MGMT: variants seen among roughly 807,000 people sequenced by gnomAD.
MGMT encodes methylated-DNA--protein-cysteine methyltransferase.
In MGMT, 14 loss-of-function variants were observed where a neutral mutation model predicts 15.9. The observed-to-expected ratio is 0.88, with a 90% CI of 0.58 to 1.37. MGMT has a LOEUF of 1.37. MGMT is among the 40% of genes most tolerant of loss of function. The pLI is 0.00. For synonymous variants in MGMT, 130 were observed against 118.2 expected (o/e 1.10, Z -0.65); for missense variants, 282 against 268.1 (o/e 1.05, Z -0.36).
chr10:129,728,781 TGTG>T (rs1332032332), intron 3 of MGMT, among the ~76,000 whole-genome samples: 2 of 151,662 alleles, frequency 1.3e-5, no homozygotes, highest in African/African-American at 2.4e-5. Flanking sequence ...TTCGTCTGCT[TGTG>T]GTAACTGCTG....
intron 1 of MGMT, among the ~76,000 whole-genome samples, chr10:129,485,155 A>G (rs780367467): frequency 1.3e-5 from 2 of 152,180 alleles, no homozygotes; most frequent in Non-Finnish European, 2.9e-5. Context: ...CTTTGACCTC[A>G]GGGAGTTCCT....
intron 2 of MGMT, among the ~76,000 whole-genome samples, chr10:129,656,730 G>A (rs942034500): frequency 6.6e-5 from 10 of 152,112 alleles, no homozygotes; most frequent in South Asian, 6.2e-4. Flanking sequence ...TGGTTGCACC[G>A]AGTTTCTGAT....
Position 129,606,748 on chromosome 10 carries a change from G to A in MGMT, c.125+70371G>A, listed in dbSNP as rs149811530. ...TAATTACACAGAATCTTTCGTCTACGGTGGGATAATAATGGCAGCAATTTA... is the reference window on the plus strand; with the variant it reads ...TAATTACACAGAATCTTTCGTCTACAGTGGGATAATAATGGCAGCAATTTA... On this transcript the variant is annotated intron_variant, in intron 2 of 4. Transcript: ENST00000651593. Among the ~76,000 whole-genome samples, 816 of 152,172 alleles carry A rather than the reference G, an allele frequency of 5.4e-3. 8 individuals carry two copies. Among genetic ancestry groups the A allele is most frequent in the African/African-American group, 0.018 (757 of 41,510 alleles).
At chr10:129,652,697 G>A (rs1369081391) in intron 2 of MGMT, among the ~76,000 whole-genome samples, 4 of 152,160 alleles carry the variant, frequency 2.6e-5, no homozygotes, top group East Asian at 1.9e-4. Context: ...TCCTCCGCAC[G>A]TCAGCTGCCG....
rs748231906 is a variant in MGMT, at chr10:129,536,279, C to T, written c.27C>T (p.Arg9=). 9 of 1,614,028 alleles carry T rather than the reference C, an allele frequency of 5.6e-6. No individual in the cohort carries two copies. The highest frequency in any genetic ancestry group is 5.5e-5 in the South Asian group (5 of 91,054). MDKDCEMK[R]TTLDSPLGKL... Reference sequence around the variant, plus strand: ...TGGACAAGGATTGTGAAATGAAACGCACCACACTGGACAGCCCTTTGGGGA... The same window carrying T: ...TGGACAAGGATTGTGAAATGAAACGTACCACACTGGACAGCCCTTTGGGGA... The change falls in exon 2 of 5, where the codon CGC becomes CGT. Residue 9 remains arginine (R), a synonymous_variant. Transcript: ENST00000651593.
intron 2 of MGMT, among the ~76,000 whole-genome samples, chr10:129,586,310 T>A (rs987508943): frequency 6.6e-6 from 1 of 152,112 alleles, no homozygotes; most frequent in African/African-American, 2.4e-5. Flanking sequence ...CCCCAAAGTT[T>A]CCTCTTGCAC....
intron 2 of MGMT, among the ~76,000 whole-genome samples, chr10:129,560,690 T>C (rs1417395928): frequency 6.6e-6 from 1 of 152,222 alleles, no homozygotes; most frequent in Non-Finnish European, 1.5e-5. Context: ...AATACAAATA[T>C]ATAAATTATT....
intron 3 of MGMT, among the ~76,000 whole-genome samples, chr10:129,740,056 C>T (rs984165009): frequency 6.6e-6 from 1 of 152,224 alleles, no homozygotes; most frequent in Non-Finnish European, 1.5e-5. Context: ...AAAGGGAAAT[C>T]TAAAGATGTT....
At chr10:129,589,769 G>T (rs117980423) in intron 2 of MGMT, among the ~76,000 whole-genome samples, 4,957 of 152,324 alleles carry the variant, frequency 0.033, 131 homozygotes, top group South Asian at 0.065. Flanking sequence ...CTTCCAGCAG[G>T]GAGACCATTA....
Position 129,745,609 on chromosome 10 carries a change from C to T in MGMT, c.275-13593C>T, listed in dbSNP as rs116342432. On this transcript the variant is annotated intron_variant, in intron 3 of 4. Transcript: ENST00000651593. ...ATTTTTCTTGCTGAGTGTACGCTAC[C>T]GTGTGGGTATATCTCCATTGATCTG... Among the ~76,000 whole-genome samples the T allele has an allele frequency of 5.6e-3, 852 of 152,256 alleles. 9 individuals are homozygous for T. Among genetic ancestry groups the T allele is most frequent in the African/African-American group, 0.02 (811 of 41,522 alleles).
chr10:129,766,812 A>G lies in MGMT; in HGVS notation c.439A>G (p.Arg147Gly). 2 of 1,613,332 alleles carry G rather than the reference A, an allele frequency of 1.2e-6. No homozygotes were observed. The highest frequency in any genetic ancestry group is 1.7e-4 in the Middle Eastern group (1 of 5,986). The stretch of plus-strand genomic sequence containing the variant: ...GGTCCCCATCCTCATCCCGTGCCAC[A>G]GAGTGGTCTGCAGCAGCGGAGCCGT... Reference protein sequence around the residue: ...NPVPILIPCHRVVCSSGAVGN... With the variant: ...NPVPILIPCHGVVCSSGAVGN... The change falls in exon 5 of 5, where the codon AGA becomes GGA. Residue 147 changes from arginine (R) to glycine (G), a missense_variant. Physicochemically the swap from Arg to Gly is moderately radical, Grantham distance 125. Coordinates refer to ENST00000651593, the MANE Select transcript of MGMT (RefSeq NM_002412.5).
At chr10:129,558,370 T>C (rs1846239203) in intron 2 of MGMT, among the ~76,000 whole-genome samples, 1 of 152,182 alleles carries the variant, frequency 6.6e-6, no homozygotes, top group Admixed American at 6.5e-5. Flanking sequence ...GGAAGATTTG[T>C]GGGTGTTTTT....
intron 1 of MGMT, among the ~76,000 whole-genome samples, chr10:129,535,564 G>T (rs539873768): frequency 6.6e-6 from 1 of 152,306 alleles, no homozygotes; most frequent in African/African-American, 2.4e-5. Flanking sequence ...ACGTTGCCCA[G>T]TCTGGTTTCA....
intron 2 of MGMT, among the ~76,000 whole-genome samples, chr10:129,652,416 A>G (rs953950612): frequency 2.6e-5 from 4 of 152,146 alleles, no homozygotes; most frequent in Non-Finnish European, 5.9e-5. Context: ...CTGGAAGGCA[A>G]AGGGAGGGGC....
At chr10:129,672,034 A>G (rs1015497490) in intron 2 of MGMT, among the ~76,000 whole-genome samples, 2 of 152,252 alleles carry the variant, frequency 1.3e-5, no homozygotes, top group African/African-American at 2.4e-5. Context: ...GCACATCTAC[A>G]TGAATACTTG....
chr10:129,645,857 G>GC (rs1214759252), intron 2 of MGMT, among the ~76,000 whole-genome samples: 2 of 152,206 alleles, frequency 1.3e-5, no homozygotes, highest in African/African-American at 4.8e-5. Flanking sequence ...CCATCCAGTG[G>GC]CCAGTCGGCC....
intron 2 of MGMT, among the ~76,000 whole-genome samples, chr10:129,548,380 A>G (rs555414970): frequency 2.6e-5 from 4 of 152,314 alleles, no homozygotes; most frequent in Non-Finnish European, 5.9e-5. Context: ...AGCCTCCTCC[A>G]AATAGTGGTT....
chr10:129,477,099 C>T (rs745970939), intron 1 of MGMT, among the ~76,000 whole-genome samples: 13 of 152,192 alleles, frequency 8.5e-5, no homozygotes, highest in African/African-American at 1.4e-4. Context: ...GTGGGGGACT[C>T]GTGTCCCTCT....
intron 1 of MGMT, among the ~76,000 whole-genome samples, chr10:129,505,376 TA>T (rs1437484429): frequency 7.2e-5 from 11 of 152,170 alleles, no homozygotes; most frequent in African/African-American, 1.9e-4. Flanking sequence ...CATGTTAAAA[TA>T]GGGGGCTGAC....
Sources: gnomAD v4.1 joint callset for allele counts (sites outside exome capture counted in the v4.1 genomes callset) on GRCh38, gnomAD v4.1.1 for gene constraint, MANE v1.5 for transcripts, NCBI Gene and HGNC (gene_info 2026-07-23, HGNC 2026-07-21) for gene names.